The following MAGI2 variants were observed in gnomAD, a reference collection of about 807,000 sequenced individuals.
The protein encoded by MAGI2 is membrane-associated guanylate kinase, WW and PDZ domain-containing protein 2.
In MAGI2, 35 loss-of-function variants were observed where a neutral mutation model predicts 133.3. The observed-to-expected ratio is 0.26, with a 90% CI of 0.20 to 0.35. MAGI2 has a LOEUF of 0.35. Ranked by LOEUF, MAGI2 falls within the 10% of genes least tolerant of loss-of-function variation. The probability of loss-of-function intolerance (pLI) is 1.00; values close to 1 mark genes in which losing one functional copy is unlikely to be tolerated. For missense variants in MAGI2, 1,636 were observed against 1,863.4 expected, an observed-to-expected ratio of 0.88 and a Z score of 2.25; for synonymous variants, 729 against 710.6, an observed-to-expected ratio of 1.03 and a Z score of -0.41.
At chr7:79,042,922 C>T (rs1338276992) in intron 1 of MAGI2, among the ~76,000 whole-genome samples, 1 of 151,944 alleles carries the variant, frequency 6.6e-6, no homozygotes, top group Non-Finnish European at 1.5e-5. Context: ...AAATCAATAC[C>T]AAGAAGACCC....
chr7:79,094,481 C>A (rs1817352553), intron 1 of MAGI2, among the ~76,000 whole-genome samples: 1 of 152,288 alleles, frequency 6.6e-6, no homozygotes, highest in East Asian at 1.9e-4. Context: ...ATTTGGAGCT[C>A]CTCCCATGAA....
chr7:78,894,366 C>T (rs1020731596), intron 2 of MAGI2, among the ~76,000 whole-genome samples: 3 of 151,950 alleles, frequency 2.0e-5, no homozygotes, highest in Admixed American at 6.6e-5. Context: ...CGCACATGGG[C>T]GACAAAGCCA....
intron 1 of MAGI2, among the ~76,000 whole-genome samples, chr7:79,186,808 C>G (rs1000258908): frequency 9.9e-6 from 1 of 101,070 alleles, no homozygotes; most frequent in Non-Finnish European, 1.9e-5. Context: ...TATATATAAA[C>G]ATAGGATACC....
chr7:79,121,693 G>A (rs976121998), intron 1 of MAGI2, among the ~76,000 whole-genome samples: 13 of 152,076 alleles, frequency 8.5e-5, no homozygotes, highest in Non-Finnish European at 1.5e-5. Flanking sequence ...ATCTTTGACA[G>A]TTCTCTCTTT....
At chr7:78,030,177 C>T (rs1240192538) in intron 21 of MAGI2, among the ~76,000 whole-genome samples, 1 of 152,168 alleles carries the variant, frequency 6.6e-6, no homozygotes, top group Non-Finnish European at 1.5e-5. Flanking sequence ...GCCATACTTC[C>T]TTCTCAGAGT....
At chr7:78,672,813 G>T (rs1038170656) in intron 2 of MAGI2, among the ~76,000 whole-genome samples, 2 of 152,144 alleles carry the variant, frequency 1.3e-5, no homozygotes, top group Non-Finnish European at 2.9e-5. Context: ...TGATTCTGAT[G>T]CATGCCAATG....
chr7:78,854,192 T>C (rs1019523950), intron 2 of MAGI2, among the ~76,000 whole-genome samples: 2 of 152,156 alleles, frequency 1.3e-5, no homozygotes, highest in African/African-American at 4.8e-5. Context: ...GAAAAATAAA[T>C]ACAACAAATA....
intron 1 of MAGI2, among the ~76,000 whole-genome samples, chr7:79,131,148 A>C (rs1820905318): frequency 1.3e-5 from 2 of 152,142 alleles, no homozygotes. Context: ...ATTTAGGGGA[A>C]AGTAAGGTTG....
At chr7:78,021,741 C>T (rs959519367) in intron 21 of MAGI2, among the ~76,000 whole-genome samples, 2 of 152,170 alleles carry the variant, frequency 1.3e-5, no homozygotes, top group East Asian at 1.9e-4. Flanking sequence ...CCTAGAAGTC[C>T]TGGAATCTAA....
chr7:79,254,077 A>AT lies in MAGI2; in HGVS notation c.301+198942dup, dbSNP rs1833515841. ...TCCTCTGGGTTCTATTAAACATTTC[A>AT]TTTTTTTTCAATCATATATGGAAAG... On this transcript the variant is annotated intron_variant, in intron 1 of 21. Transcript: ENST00000354212. 2.6e-5 allele frequency among the ~76,000 whole-genome samples: 4 copies of AT among 151,840 alleles called. 1 individual carries two copies. In the South Asian group the frequency reaches 8.3e-4, roughly 32 times the overall value.
intron 1 of MAGI2, among the ~76,000 whole-genome samples, chr7:79,318,760 A>C (rs1035305207): frequency 2.0e-5 from 3 of 152,146 alleles, no homozygotes; most frequent in African/African-American, 7.2e-5. Flanking sequence ...ACGTTGAAAA[A>C]ATAATTAAAC....
intron 2 of MAGI2, among the ~76,000 whole-genome samples, chr7:78,695,189 C>A (rs1023157553): frequency 6.6e-6 from 1 of 152,150 alleles, no homozygotes; most frequent in African/African-American, 2.4e-5. Context: ...CACACCACTG[C>A]ACTCCAGCCT....
intron 9 of MAGI2, among the ~76,000 whole-genome samples, chr7:78,296,521 A>G (rs1449862546): frequency 1.3e-5 from 2 of 152,112 alleles, no homozygotes; most frequent in Non-Finnish European, 1.5e-5. Flanking sequence ...ATTTATTTGC[A>G]TTCTCTCTCT....
intron 2 of MAGI2, among the ~76,000 whole-genome samples, chr7:78,759,891 G>A (rs2151296580): frequency 6.6e-6 from 1 of 152,002 alleles, no homozygotes; most frequent in African/African-American, 2.4e-5. Context: ...CACTTTGGGA[G>A]GCCAAGTGGG....
intron 1 of MAGI2, among the ~76,000 whole-genome samples, chr7:79,330,011 A>G (rs1881292): frequency 0.67 from 102,322 of 151,650 alleles, 34,949 homozygotes; most frequent in Non-Finnish European, 0.71. Flanking sequence ...CAAAACTAAT[A>G]AAGCACCACC....
chr7:78,791,082 T>C (rs1827206141), intron 2 of MAGI2, among the ~76,000 whole-genome samples: 1 of 152,046 alleles, frequency 6.6e-6, no homozygotes, highest in Non-Finnish European at 1.5e-5. Context: ...AAAGCAAAAA[T>C]GGTATGTTGA....
At chr7:78,777,306 TC>T (rs534943509) in intron 2 of MAGI2, among the ~76,000 whole-genome samples, 85 of 152,288 alleles carry the variant, frequency 5.6e-4, no homozygotes, top group African/African-American at 1.7e-3. Context: ...CTTCACTATT[TC>T]CTAGCTGTGT....
chr7:79,318,920 C>A (rs1402660249), intron 1 of MAGI2, among the ~76,000 whole-genome samples: 1 of 152,062 alleles, frequency 6.6e-6, no homozygotes, highest in Non-Finnish European at 1.5e-5. Context: ...TCATCATTTC[C>A]CCATATCCCA....
intron 1 of MAGI2, among the ~76,000 whole-genome samples, chr7:79,418,282 T>C (rs992085521): frequency 1.7e-4 from 26 of 152,076 alleles, no homozygotes; most frequent in African/African-American, 5.5e-4. Flanking sequence ...TGAATACATG[T>C]CCTCAATGCT....
Sources: gnomAD v4.1 joint callset for allele counts (sites outside exome capture counted in the v4.1 genomes callset) on GRCh38, gnomAD v4.1.1 for gene constraint, MANE v1.5 for transcripts, NCBI Gene and HGNC (gene_info 2026-07-23, HGNC 2026-07-21) for gene names.